The following DST variants were observed in gnomAD, a reference collection of about 807,000 sequenced individuals.
The protein encoded by DST is bullous pemphigoid antigen.
In DST, 253 loss-of-function variants were observed where a neutral mutation model predicts 875.2. That is an observed-to-expected ratio of 0.29 (90% CI 0.26 to 0.32). DST has a LOEUF of 0.32. DST is among the 10% of genes least tolerant of loss of function. The probability of loss-of-function intolerance (pLI) is 1.00; values close to 1 mark genes in which losing one functional copy is unlikely to be tolerated. For missense variants in DST, 8,287 were observed against 9,111.6 expected (o/e 0.91, Z 3.68); for synonymous variants, 3,124 against 3,197.1 (o/e 0.98, Z 0.77).
At chr6:56,618,884 T>C in intron 36 of DST, 1 of 1,614,206 alleles carries the variant, frequency 6.2e-7, no homozygotes, top group South Asian at 1.1e-5. Flanking sequence ...TTGTACTTTT[T>C]TCAACCTGTT....
At chr6:56,825,693 C>T (rs969164339) in intron 4 of DST, among the ~76,000 whole-genome samples, 2 of 152,016 alleles carry the variant, frequency 1.3e-5, no homozygotes, top group Non-Finnish European at 2.9e-5. Context: ...TATTACAATT[C>T]GCAGAAAAAG....
chr6:56,851,625 A>C (rs1228845021), intron 3 of DST, 21 bp from the exon 4 acceptor site: 1 of 1,610,940 alleles, frequency 6.2e-7, no homozygotes, highest in Non-Finnish European at 8.5e-7. Context: ...TGACACAGAA[A>C]AAGCATTAAC....
chr6:56,619,405 T>C (rs751424099), intron 36 of DST: 1 of 1,613,406 alleles, frequency 6.2e-7, no homozygotes, highest in East Asian at 2.2e-5. Context: ...CTTTGATATT[T>C]TGAAGCAACT....
intron 4 of DST, among the ~76,000 whole-genome samples, chr6:56,759,888 A>C (rs2099613312): frequency 6.6e-6 from 1 of 152,226 alleles, no homozygotes; most frequent in Non-Finnish European, 1.5e-5. Flanking sequence ...CCTCTAAGCA[A>C]AGTGAGTCCT....
intron 4 of DST, among the ~76,000 whole-genome samples, chr6:56,829,670 G>GATC (rs2099784809): frequency 2.0e-5 from 3 of 152,168 alleles, no homozygotes; most frequent in African/African-American, 7.2e-5. Context: ...AAAGTAACCA[G>GATC]ATCATATCAG....
At position 56,463,033 on chromosome 6, in the gene DST, G is replaced by A. The variant is rs1227166617; in HGVS notation, c.23070+13C>T. ...GGAGAATGTTAAGACTGGACTCTGG[G>A]GCCTTACAATACCTCTGCAGATGGC... On this transcript the variant is annotated intron_variant, in intron 102 of 103. Coordinates refer to ENST00000680361, the MANE Select transcript of DST (RefSeq NM_001374736.1). 4.0e-6 allele frequency: 6 copies of A among 1,504,070 alleles called. No homozygotes were observed. The highest frequency in any genetic ancestry group is 1.4e-5 in the African/African-American group (1 of 72,702). The allele number at this position is 1,504,070 out of a possible 1,614,324, so 93.2% of individuals were successfully genotyped here.
intron 3 of DST, chr6:56,861,982 C>A (rs1483315644): frequency 1.3e-5 from 2 of 152,154 alleles, no homozygotes; most frequent in African/African-American, 2.4e-5. Context: ...TTCAAACTCA[C>A]CGTGTGGGTA....
At chr6:56,670,869 C>A in intron 9 of DST, 62 bp from the exon 10 acceptor site, 1 of 1,136,852 alleles carries the variant, frequency 8.8e-7, no homozygotes, top group Non-Finnish European at 1.2e-6. Flanking sequence ...GATTAAGAAC[C>A]TACTATGTGC....
intron 3 of DST, among the ~76,000 whole-genome samples, chr6:56,872,183 G>C (rs534085199): frequency 6.6e-6 from 1 of 152,242 alleles, no homozygotes; most frequent in African/African-American, 2.4e-5. Context: ...ACTTACAGGA[G>C]AGCAAATGAG....
rs772867221 is a variant in DST at position 56,470,141 on chromosome 6, T to C, written c.22463A>G (p.Lys7488Arg). The stretch of plus-strand genomic sequence containing the variant: ...GATAATGAGTACCTCATCTTCGATT[T>C]TGTCGGCATCTGTGATAGGTTTATA... The part of the protein sequence containing the change: ...DAYKPITDAD[K>R]IEDEVTRQVA... The change falls in exon 96 of 104, where the codon AAA becomes AGA. Residue 7488 changes from lysine (K) to arginine (R), a missense_variant. Transcript: ENST00000680361. 1.2e-6 allele frequency: 2 copies of C among 1,612,666 alleles called. No individual in the cohort carries two copies. The highest frequency in any genetic ancestry group is 1.7e-6 in the Non-Finnish European group (2 of 1,179,104).
rs762614246 is a variant in DST at position 56,607,995 on chromosome 6, C to T, written c.6633G>A (p.Met2211Ile). ...FLSYLMINSY[M>I]DANTGQRLLL... The stretch of plus-strand genomic sequence containing the variant: ...AAAGCCTTTGCCCTGTGTTTGCATC[C>T]ATATAGCTATTTATCATTAAATAAG... Residue 2211 changes from methionine to isoleucine, a missense_variant, in exon 40 of 104, where the codon ATG (methionine) becomes ATA (isoleucine). By Grantham distance (10) the Met-to-Ile change is conservative. Coordinates refer to ENST00000680361, the MANE Select transcript of DST (RefSeq NM_001374736.1). The T allele has an allele frequency of 1.2e-6, 2 of 1,613,428 alleles. No homozygotes were observed. Among genetic ancestry groups the T allele is most frequent in the South Asian group, 2.2e-5 (2 of 91,058 alleles).
intron 4 of DST, among the ~76,000 whole-genome samples, chr6:56,805,068 A>C (rs755447551): frequency 7.2e-5 from 11 of 152,106 alleles, no homozygotes; most frequent in Non-Finnish European, 1.3e-4. Flanking sequence ...AAAATTACTC[A>C]GATTACTTTT....
At chr6:56,469,761 A>C in intron 97 of DST, 122 bp downstream of exon 97, 2 of 816,132 alleles carry the variant, frequency 2.5e-6, no homozygotes, top group Non-Finnish European at 4.0e-6. Flanking sequence ...TATACCATTA[A>C]ATTTTGACAT....
chr6:56,722,115 AC>A (rs1483489788), intron 5 of DST, among the ~76,000 whole-genome samples: 3 of 151,856 alleles, frequency 2.0e-5, no homozygotes, highest in Non-Finnish European at 4.4e-5. Context: ...AGGGACATTA[AC>A]AAAAAAAAAA....
intron 47 of DST, among the ~76,000 whole-genome samples, chr6:56,594,760 C>T (rs2098341901): frequency 6.6e-6 from 1 of 152,234 alleles, no homozygotes; most frequent in African/African-American, 2.4e-5. Context: ...CCTGGAGCTA[C>T]TCAGCTTCAC....
At chr6:56,888,499 G>A (rs1785729444) in intron 3 of DST, among the ~76,000 whole-genome samples, 1 of 152,166 alleles carries the variant, frequency 6.6e-6, no homozygotes, top group Admixed American at 6.5e-5. Context: ...GAGTTGTACA[G>A]TTATGCCTTC....
At chr6:56,664,912 C>T (rs575962263) in intron 10 of DST, among the ~76,000 whole-genome samples, 1 of 152,172 alleles carries the variant, frequency 6.6e-6, no homozygotes, top group East Asian at 1.9e-4. Flanking sequence ...GAATTATGAA[C>T]AGAATTTCCT....
rs62621210 is a variant in DST, at chr6:56,555,360, C to T, written c.15121G>A (p.Val5041Ile). 0.044 allele frequency: 70,204 copies of T among 1,583,480 alleles called. 1,940 individuals are homozygous for T. The highest frequency in any genetic ancestry group is 0.12 in the African/African-American group (8,564 of 73,746). The stretch of plus-strand genomic sequence containing the variant: ...GTAGACAAACCTGCTTTCTGTTCAA[C>T]ATCCTTAAATGATTTTAAGATGCCT... ...LEGILKSFKD[V>I]EQKAENHVQH... is the part of the protein sequence containing the mutation. Residue 5041 changes from valine to isoleucine, a missense_variant, in exon 60 of 104, where the codon GTT (valine) becomes ATT (isoleucine). Transcript: ENST00000680361.
chr6:56,894,033 A>C lies in DST; in HGVS notation c.417+6388T>G, dbSNP rs1326049076. Among the ~76,000 whole-genome samples, 4 of 19,830 alleles carry C rather than the reference A, an allele frequency of 2.0e-4. 1 individual carries two copies. The highest frequency in any genetic ancestry group is 1.7e-3 in the African/African-American group (4 of 2,308). The allele number at this position is 19,830 out of a possible 152,430, so 13.0% of individuals were successfully genotyped here. A position where few individuals can be genotyped will look rare whatever the true frequency, so the allele number is the denominator to read the frequency against. On this transcript the variant is annotated intron_variant, in intron 3 of 103. Transcript: ENST00000680361. ...AGACCCAGCAACCATCCGATTTCTC[A>C]ATTTTTTCCCCACCCTTCCCGCCTT... is the stretch of plus-strand genomic sequence containing the variant.
Sources: allele counts gnomAD v4.1 joint callset (sites outside exome capture counted in the v4.1 genomes callset), GRCh38; gene constraint gnomAD v4.1.1; transcripts MANE v1.5; gene names NCBI Gene and HGNC (gene_info 2026-07-23, HGNC 2026-07-21).